The following CDC14B variants were observed in gnomAD, a reference collection of about 807,000 sequenced individuals.
CDC14B encodes the protein dual specificity protein phosphatase CDC14B.
Under a neutral mutation model 64.2 loss-of-function variants are expected in CDC14B, and 22 were observed. That is an observed-to-expected ratio of 0.34 (90% CI 0.24 to 0.49). The LOEUF is 0.49. Among genes scored for constraint, CDC14B ranks in the 20% least tolerant of loss-of-function variants. The pLI is 0.99. For missense variants in CDC14B, 498 were observed against 629.9 expected, an observed-to-expected ratio of 0.79 and a Z score of 2.24; for synonymous variants, 191 against 215.8, an observed-to-expected ratio of 0.89 and a Z score of 1.01.
chr9:96,499,057 G>A (rs59009719), downstream of CDC14B, among the ~76,000 whole-genome samples: 30 of 152,346 alleles, frequency 2.0e-4, no homozygotes, highest in Non-Finnish European at 2.9e-4. Flanking sequence ...ACGGAGCTGC[G>A]TGGTGGCGCC....
At chr9:96,565,749 C>T (rs1228581553) in intron 1 of CDC14B, among the ~76,000 whole-genome samples, 1 of 152,130 alleles carries the variant, frequency 6.6e-6, no homozygotes, top group African/African-American at 2.4e-5. Context: ...CTAAACAAAC[C>T]TATTTTTGTA....
chr9:96,509,561 CAG>C lies in CDC14B; in HGVS notation c.1460+110_1460+111del, dbSNP rs1834623604. On this transcript the variant is annotated intron_variant, in intron 13 of 13. Coordinates refer to ENST00000375241, the MANE Select transcript of CDC14B (RefSeq NM_033331.4). ...TACACATTTGATGAATTTCCCATCACAGAGACTCTACTTTCTCCTAATTTCAT... is the reference window on the plus strand; with the variant it reads ...TACACATTTGATGAATTTCCCATCACAGACTCTACTTTCTCCTAATTTCAT... 43 of 745,748 alleles carry C rather than the reference CAG, an allele frequency of 5.8e-5. No individual in the cohort carries two copies. In the South Asian group the frequency reaches 6.4e-4, roughly 11 times the overall value. 46.2% of individuals were successfully genotyped at this position (745,748 alleles called of 1,614,324 possible).
intron 1 of CDC14B, among the ~76,000 whole-genome samples, chr9:96,583,165 A>G (rs1845256635): frequency 6.6e-6 from 1 of 152,136 alleles, no homozygotes; most frequent in Admixed American, 6.6e-5. Context: ...TGTTCATCAG[A>G]ATAATCCCTG....
At chr9:96,564,686 C>A in intron 3 of CDC14B, 91 bp downstream of exon 3, 1 of 729,944 alleles carries the variant, frequency 1.4e-6, no homozygotes, top group Non-Finnish European at 2.2e-6. Flanking sequence ...AAAAACATGT[C>A]ATTTCCTTTT....
chr9:96,559,608 CT>C (rs1342172964), intron 4 of CDC14B, among the ~76,000 whole-genome samples: 1 of 152,154 alleles, frequency 6.6e-6, no homozygotes, highest in Non-Finnish European at 1.5e-5. Flanking sequence ...AATACATTTC[CT>C]TTTCTTAGAA....
Position 96,523,433 on chromosome 9 carries a change from A to G in CDC14B, c.1086-13T>C, listed in dbSNP as rs369067237. On this transcript the variant is annotated splice_polypyrimidine_tract_variant and intron_variant, in intron 10 of 13. Coordinates refer to ENST00000375241, the MANE Select transcript of CDC14B (RefSeq NM_033331.4). The stretch of plus-strand genomic sequence containing the variant: ...GTTGGTTTGCTTCCTAGAGCATTTA[A>G]ATAACATCAAAATAGAGCTTTCCAG... 2.5e-5 allele frequency: 41 copies of G among 1,612,510 alleles called. No homozygotes were observed. Among genetic ancestry groups the G allele is most frequent in the Non-Finnish European group, 3.1e-5 (37 of 1,179,074 alleles).
intron 4 of CDC14B, among the ~76,000 whole-genome samples, chr9:96,561,628 G>A (rs1288340615): frequency 2.7e-5 from 4 of 150,616 alleles, no homozygotes; most frequent in Admixed American, 6.6e-5. Context: ...ACAGGCGCCC[G>A]CCACCACGCC....
chr9:96,497,191 C>G (rs1284207459), downstream of CDC14B, among the ~76,000 whole-genome samples: 1 of 152,242 alleles, frequency 6.6e-6, no homozygotes, highest in Non-Finnish European at 1.5e-5. Flanking sequence ...GCCGGGGCCT[C>G]CTTACCTGGG....
rs1344324119 is a variant in CDC14B, at chr9:96,502,654, G to T, written c.*1099C>A. 1.1e-5 allele frequency: 4 copies of T among 367,400 alleles called. No homozygotes were observed. The highest frequency in any genetic ancestry group is 6.4e-5 in the African/African-American group (3 of 47,074). 22.8% of individuals were successfully genotyped at this position (367,400 alleles called of 1,614,324 possible). ...GTTTCTGTAACTGCTTCATGGCACA[G>T]ACTCTGCTGTGTTCCAGTAGGGCTG... On this transcript the variant is annotated 3_prime_UTR_variant, in exon 14 of 14. Transcript: ENST00000375241.
intron 4 of CDC14B, chr9:96,562,464 C>A: frequency 2.2e-6 from 1 of 445,510 alleles, no homozygotes; most frequent in South Asian, 4.8e-5. Context: ...TTTTCCCGAG[C>A]AGTTTTAGGT....
exon 14 of CDC14B, chr9:96,492,196 G>T (rs1833109022): frequency 6.6e-6 from 1 of 152,274 alleles, no homozygotes; most frequent in Non-Finnish European, 1.5e-5. Flanking sequence ...GCCGATGAGG[G>T]CTGTCGTCCC....
chr9:96,525,070 TAAAG>T (rs1022091832), intron 9 of CDC14B, among the ~76,000 whole-genome samples: 1 of 152,058 alleles, frequency 6.6e-6, no homozygotes, highest in African/African-American at 2.4e-5. Flanking sequence ...AAAGACGAAT[TAAAG>T]AAGAAATTGT....
chr9:96,552,739 A>T (rs1447542131), intron 4 of CDC14B, among the ~76,000 whole-genome samples: 1 of 152,010 alleles, frequency 6.6e-6, no homozygotes, highest in African/African-American at 2.4e-5. Context: ...ACCCCCTATT[A>T]CATTTGCCTG....
At chr9:96,588,039 A>G (rs1370291494) in intron 1 of CDC14B, among the ~76,000 whole-genome samples, 1 of 152,172 alleles carries the variant, frequency 6.6e-6, no homozygotes, top group East Asian at 1.9e-4. Context: ...GAAAACCAAA[A>G]AAACCCTGAA....
At chr9:96,600,358 G>A (rs1304295000) in intron 1 of CDC14B, among the ~76,000 whole-genome samples, 1 of 152,018 alleles carries the variant, frequency 6.6e-6, no homozygotes, top group Non-Finnish European at 1.5e-5. Flanking sequence ...ATGAGGGCAA[G>A]GAGGGGCTGA....
At chr9:96,543,356 T>C (rs1384552246) in intron 5 of CDC14B, among the ~76,000 whole-genome samples, 3 of 151,852 alleles carry the variant, frequency 2.0e-5, no homozygotes, top group Non-Finnish European at 4.4e-5. Flanking sequence ...AAAAAAAACT[T>C]CTAGCCTCAA....
chr9:96,508,657 A>G (rs754230051), intron 13 of CDC14B, among the ~76,000 whole-genome samples: 1 of 152,218 alleles, frequency 6.6e-6, no homozygotes, highest in Non-Finnish European at 1.5e-5. Context: ...TGCGAGTGTT[A>G]AGTGTGCAGT....
At chr9:96,498,723 C>G (rs1353845998), downstream of CDC14B, among the ~76,000 whole-genome samples, 4 of 152,206 alleles carry the variant, frequency 2.6e-5, no homozygotes, top group Non-Finnish European at 5.9e-5. Context: ...AAGATATGCC[C>G]CGATACTGTT....
intron 13 of CDC14B, among the ~76,000 whole-genome samples, chr9:96,504,018 T>C (rs1052142987): frequency 2.6e-5 from 4 of 151,222 alleles, no homozygotes; most frequent in East Asian, 2.0e-4. Flanking sequence ...CTGCAAAAAA[T>C]AGAAATTTAA....
Sources: gnomAD v4.1 joint callset for allele counts (sites outside exome capture counted in the v4.1 genomes callset) on GRCh38, gnomAD v4.1.1 for gene constraint, MANE v1.5 for transcripts, NCBI Gene and HGNC (gene_info 2026-07-23, HGNC 2026-07-21) for gene names.